Variants in QSOX2 observed in about 807,000 individuals in gnomAD.
QSOX2 encodes the protein sulfhydryl oxidase 2.
In QSOX2, 46 loss-of-function variants were observed where a neutral mutation model predicts 61.7. The observed-to-expected ratio is 0.75, with a 90% confidence interval of 0.59 to 0.95. The LOEUF (loss-of-function observed/expected upper bound fraction) is 0.95, where lower values mean the gene tolerates loss of function less well. QSOX2 is among the 40% of genes least tolerant of loss of function. QSOX2 has a pLI of 0.00. For synonymous variants in QSOX2, 383 were observed against 388.4 expected (o/e 0.99, Z 0.16); for missense variants, 879 against 918.9 (o/e 0.96, Z 0.56).
chr9:136,216,092 G>C (rs143820224), intron 9 of QSOX2, among the ~76,000 whole-genome samples: 1,924 of 152,334 alleles, frequency 0.013, 21 homozygotes, highest in Middle Eastern at 0.034. Context: ...CAAGCAGCAC[G>C]CTGGGTTTAC....
Position 136,221,346 on chromosome 9 carries a change from G to A in QSOX2, c.821+450C>T, listed in dbSNP as rs1831978661. 6.6e-6 allele frequency among the ~76,000 whole-genome samples: 1 copy of A among 152,220 alleles called. No homozygotes were observed. The highest frequency in any genetic ancestry group is 2.4e-5 in the African/African-American group (1 of 41,452). ...CTTAGAGAAAGAGCAGAACGTGAGG[G>A]GCAGGGCCTGGTGCCCACCCCTACT... On this transcript the variant is annotated intron_variant, in intron 6 of 11. Transcript: ENST00000358701. This position sits in a 1 kb window ranked among gnomAD's most constrained non-coding sequence, Gnocchi z 4.5.
intron 1 of QSOX2, among the ~76,000 whole-genome samples, chr9:136,239,357 G>C (rs1830416444): frequency 6.6e-6 from 1 of 152,130 alleles, no homozygotes; most frequent in Admixed American, 6.5e-5. Flanking sequence ...GCCCAGGCTG[G>C]TCTTGAACTC....
At chr9:136,227,360 C>T (rs1764883020) in intron 1 of QSOX2, among the ~76,000 whole-genome samples, 1 of 152,166 alleles carries the variant, frequency 6.6e-6, no homozygotes, top group Non-Finnish European at 1.5e-5. Context: ...CGTGCACAGA[C>T]ACATGTGAAG....
chr9:136,208,405 T>C lies in QSOX2; in HGVS notation c.*323A>G, dbSNP rs1831801880. On this transcript the variant is annotated 3_prime_UTR_variant, in exon 12 of 12. Transcript: ENST00000358701. ...CGAGATGAAAGTGTGTGGGGAAGAC[T>C]ATCTGGCCTGGACTCTGCACCCTCT... 1 of 215,732 alleles carries C rather than the reference T, an allele frequency of 4.6e-6. No individual in the cohort carries two copies. Among genetic ancestry groups the C allele is most frequent in the African/African-American group, 2.3e-5 (1 of 43,290 alleles). 13.4% of individuals were successfully genotyped at this position (215,732 alleles called of 1,614,324 possible). A position where few individuals can be genotyped will look rare whatever the true frequency, so the allele number is the denominator to read the frequency against.
At position 136,207,013 on chromosome 9, in the gene QSOX2, A is replaced by C. The variant is rs1400788752; in HGVS notation, c.*1715T>G. The C allele has an allele frequency of 1.3e-5, 2 of 152,356 alleles. No individual in the cohort carries two copies. The highest frequency in any genetic ancestry group is 4.8e-5 in the African/African-American group (2 of 41,446). The allele number at this position is 152,356 out of a possible 1,614,324, so 9.4% of individuals were successfully genotyped here. ...AGGCCTGCACTGGATGAAGCAATGA[A>C]GGCAAGGTCACGGCTGCTAAAGCAC... On this transcript the variant is annotated 3_prime_UTR_variant, in exon 12 of 12. Transcript: ENST00000358701.
chr9:136,216,781 G>A (rs950248725), intron 8 of QSOX2, 59 bp from the exon 9 acceptor site: 41 of 1,597,322 alleles, frequency 2.6e-5, no homozygotes, highest in Non-Finnish European at 3.1e-5. Flanking sequence ...CGCCCCCACC[G>A]CGGGGGGCAC....
At position 136,209,294 on chromosome 9, in the gene QSOX2, G is replaced by A. The variant is rs772417304; in HGVS notation, c.1550-19C>T. 42 of 1,604,098 alleles carry A rather than the reference G, an allele frequency of 2.6e-5. No homozygotes were observed. Among genetic ancestry groups the A allele is most frequent in the African/African-American group, 2.3e-4 (17 of 74,702 alleles). On this transcript the variant is annotated intron_variant, in intron 11 of 11. Transcript: ENST00000358701. This position sits in a 1 kb window ranked among gnomAD's most constrained non-coding sequence, Gnocchi z 5.6. ...AGATGGCCTAGGAAGAAAAGGAAGCGGGAGAGCCAGAGGGAAGGAGGCTTT... is the reference window on the plus strand; with the variant it reads ...AGATGGCCTAGGAAGAAAAGGAAGCAGGAGAGCCAGAGGGAAGGAGGCTTT...
chr9:136,210,418 G>A (rs775067325), intron 11 of QSOX2: 1 of 985,452 alleles, frequency 1.0e-6, no homozygotes, highest in Non-Finnish European at 1.2e-6. Context: ...GGGGCTCCAG[G>A]TCCAGGCAGG....
chr9:136,210,137 G>A (rs1831827875), intron 11 of QSOX2: 3 of 985,368 alleles, frequency 3.0e-6, no homozygotes, highest in Non-Finnish European at 3.6e-6. Context: ...CGAAGCCAGA[G>A]GGGACAAGCA....
chr9:136,221,888 G>C lies in QSOX2; in HGVS notation c.729C>G (p.Asp243Glu). The change falls in exon 6 of 12, where the codon GAC becomes GAG. Residue 243 changes from aspartate to glutamate, a missense_variant. Asp to Glu is a conservative substitution (Grantham distance 45). Transcript: ENST00000358701. This position sits in a 1 kb window ranked among gnomAD's most constrained non-coding sequence, Gnocchi z 4.5. Reference protein sequence around the residue: ...YESIVVTRALDGDKAFLEKLG... With the variant: ...YESIVVTRALEGDKAFLEKLG... ...GTTTCTCCAGAAATGCTTTGTCCCC[G>C]TCCAGTGCTCGGGTCACCACGATGC... 6.2e-7 allele frequency: 1 copy of C among 1,612,344 alleles called. No homozygotes were observed. The highest frequency in any genetic ancestry group is 1.1e-5 in the South Asian group (1 of 90,544).
rs1831794329 is a variant in QSOX2 at position 136,208,198 on chromosome 9, C to CGGCTCTGT, written c.*522_*529dup. 1 of 144,116 alleles carries CGGCTCTGT rather than the reference C, an allele frequency of 6.9e-6. No homozygotes were observed. The highest frequency in any genetic ancestry group is 1.5e-5 in the Non-Finnish European group (1 of 65,982). The allele number at this position is 144,116 out of a possible 1,614,324, so 8.9% of individuals were successfully genotyped here. ...GGGCTGCAGAGGCCGACTGCGCTTC[C>CGGCTCTGT]GGCTCTGTCTGTCCCCGCCCGGCTA... On this transcript the variant is annotated 3_prime_UTR_variant, in exon 12 of 12. Coordinates refer to ENST00000358701, the MANE Select transcript of QSOX2 (RefSeq NM_181701.4).
rs1400208691 is a variant in QSOX2 at position 136,209,501 on chromosome 9, G to A, written c.1550-226C>T. 13 of 985,322 alleles carry A rather than the reference G, an allele frequency of 1.3e-5. No individual in the cohort carries two copies. The African/African-American group carries it at 1.6e-4, about 12-fold the overall frequency. 61.0% of individuals were successfully genotyped at this position (985,322 alleles called of 1,614,324 possible). ...CCCTGCGCACGTGTTCCCCTCTGCC[G>A]GTTCCCATAGCCTGCAAGTGAGGAG... On this transcript the variant is annotated intron_variant, in intron 11 of 11. Coordinates refer to ENST00000358701, the MANE Select transcript of QSOX2 (RefSeq NM_181701.4). This position sits in a 1 kb window ranked among gnomAD's most constrained non-coding sequence, Gnocchi z 5.6.
At chr9:136,217,823 G>A (rs1007323477) in intron 8 of QSOX2, among the ~76,000 whole-genome samples, 5 of 152,248 alleles carry the variant, frequency 3.3e-5, no homozygotes, top group Non-Finnish European at 7.3e-5. Flanking sequence ...AGGAAATGAG[G>A]CCAGCTAGAG....
chr9:136,220,617 TCCTTCTCCTCA>T, intron 6 of QSOX2, among the ~76,000 whole-genome samples: 2 of 49,448 alleles, frequency 4.0e-5, no homozygotes, highest in African/African-American at 7.8e-4. Context: ...CCTCACGCTG[TCCTTCTCCTCA>T]CGCTGTCCTT....
intron 1 of QSOX2, among the ~76,000 whole-genome samples, chr9:136,242,386 G>A (rs1321180108): frequency 1.3e-5 from 2 of 152,250 alleles, no homozygotes; most frequent in African/African-American, 4.8e-5. Flanking sequence ...CGTGGCGGGC[G>A]CTGGCCAGGG....
rs10115360 is a variant in QSOX2 at position 136,221,299 on chromosome 9, G to C, written c.821+497C>G. Reference sequence around the variant, plus strand: ...ACGGGCACCCCACGCAGAGGCAAAGGGCTTGCCAAGGTTCTGCAGTTCTTA... The same window carrying C: ...ACGGGCACCCCACGCAGAGGCAAAGCGCTTGCCAAGGTTCTGCAGTTCTTA... On this transcript the variant is annotated intron_variant, in intron 6 of 11. Transcript: ENST00000358701. This position sits in a 1 kb window ranked among gnomAD's most constrained non-coding sequence, Gnocchi z 4.5. Among the ~76,000 whole-genome samples the C allele has an allele frequency of 7.1e-3, 1,081 of 152,330 alleles. 11 individuals carry two copies. Among genetic ancestry groups the C allele is most frequent in the African/African-American group, 0.025 (1,028 of 41,570 alleles).
chr9:136,209,799 C>T lies in QSOX2; in HGVS notation c.1550-524G>A. 1.0e-6 allele frequency: 1 copy of T among 985,270 alleles called. No homozygotes were observed. The highest frequency in any genetic ancestry group is 1.2e-6 in the Non-Finnish European group (1 of 829,894). 61.0% of individuals were successfully genotyped at this position (985,270 alleles called of 1,614,324 possible). A position where few individuals can be genotyped will look rare whatever the true frequency, so the allele number is the denominator to read the frequency against. On this transcript the variant is annotated intron_variant, in intron 11 of 11. Transcript: ENST00000358701. This position sits in a 1 kb window ranked among gnomAD's most constrained non-coding sequence, Gnocchi z 5.6. ...GGGCAGAGGGGCAGCAATGAATTTCCACTGCACTTCAGGTACACTGGCCCT... is the reference window on the plus strand; with the variant it reads ...GGGCAGAGGGGCAGCAATGAATTTCTACTGCACTTCAGGTACACTGGCCCT...
At chr9:136,244,803 C>T (rs767768603) in intron 1 of QSOX2, among the ~76,000 whole-genome samples, 1 of 152,196 alleles carries the variant, frequency 6.6e-6, no homozygotes, top group Non-Finnish European at 1.5e-5. Flanking sequence ...GGCTGTGCAT[C>T]TGTGATCAAG....
At position 136,221,817 on chromosome 9, in the gene QSOX2, C is replaced by T. The variant is rs772753193; in HGVS notation, c.800G>A (p.Gly267Glu). Residue 267 changes from glycine (G) to glutamate (E), a missense_variant, in exon 6 of 12, where the codon GGG (glycine) becomes GAG (glutamate). Transcript: ENST00000358701. The surrounding 1 kb of genome is among the most constrained non-coding windows in gnomAD (Gnocchi z 4.5). ...TCACACGTTAATCAATCCATGCGAC[C>T]CATTTGGGTAGATCAGGTAACACGA... ...VPSCYLIYPN[G>E]SHGLINVVKP... 6.2e-7 allele frequency: 1 copy of T among 1,608,584 alleles called. No individual in the cohort carries two copies. The highest frequency in any genetic ancestry group is 1.1e-5 in the South Asian group (1 of 89,940).
Sources: gnomAD v4.1 joint callset for allele counts (sites outside exome capture counted in the v4.1 genomes callset) on GRCh38, gnomAD v4.1.1 for gene constraint, Gnocchi (gnomAD v3.1) non-coding constraint, MANE v1.5 for transcripts, NCBI Gene and HGNC (gene_info 2026-07-23, HGNC 2026-07-21) for gene names.